GOLM1: variants seen among roughly 807,000 people sequenced by gnomAD.
GOLM1 encodes golgi membrane protein 1.
In GOLM1, 31 loss-of-function variants were observed where a neutral mutation model predicts 50.5. The observed-to-expected ratio is 0.61, with a 90% CI of 0.46 to 0.83. GOLM1 has a LOEUF of 0.83. Ranked by LOEUF, GOLM1 falls within the 40% of genes least tolerant of loss-of-function variation. The pLI is 0.00. For missense variants in GOLM1, 491 were observed against 501.3 expected, an observed-to-expected ratio of 0.98 and a Z score of 0.20; for synonymous variants, 178 against 192.8, an observed-to-expected ratio of 0.92 and a Z score of 0.64.
intron 6 of GOLM1, 84 bp from the exon 7 acceptor site, chr9:86,036,591 C>A: frequency 7.5e-7 from 1 of 1,326,408 alleles, no homozygotes; most frequent in Non-Finnish European, 1.0e-6. Context: ...GCAATGAATC[C>A]CACCAATCCC....
At chr9:86,076,216 C>G (rs374791404) in intron 3 of GOLM1, among the ~76,000 whole-genome samples, 1 of 151,288 alleles carries the variant, frequency 6.6e-6, no homozygotes. Flanking sequence ...GTCAGGAGTT[C>G]GAGACCAACC....
Position 86,026,937 on chromosome 9 carries a change from A to C in GOLM1, c.*880T>G, listed in dbSNP as rs1832804865. On this transcript the variant is annotated 3_prime_UTR_variant, in exon 10 of 10. Coordinates refer to ENST00000388712, the MANE Select transcript of GOLM1 (RefSeq NM_016548.4). ...AACTTTGTTTTCTTTTACTCCAGTA[A>C]TAAAGTAGGCACAGATCTGTCCACA... The C allele has an allele frequency of 1.0e-6, 1 of 985,098 alleles. No individual in the cohort carries two copies. The highest frequency in any genetic ancestry group is 1.2e-6 in the Non-Finnish European group (1 of 829,782). The allele number at this position is 985,098 out of a possible 1,614,324, so 61.0% of individuals were successfully genotyped here.
chr9:86,052,843 C>G (rs748643446), intron 3 of GOLM1, among the ~76,000 whole-genome samples: 117 of 124,670 alleles, frequency 9.4e-4, no homozygotes, highest in Middle Eastern at 8.2e-3. Flanking sequence ...CACTCCAGCC[C>G]AGGAAACGCT....
intron 4 of GOLM1, among the ~76,000 whole-genome samples, chr9:86,048,560 G>A (rs78027007): frequency 2.6e-5 from 4 of 152,084 alleles, no homozygotes; most frequent in Admixed American, 6.6e-5. Flanking sequence ...TTTAATGATC[G>A]TCATTCTAAA....
chr9:86,069,424 C>T (rs531159234), intron 3 of GOLM1, among the ~76,000 whole-genome samples: 2 of 152,242 alleles, frequency 1.3e-5, no homozygotes, highest in East Asian at 3.9e-4. Context: ...TTCACCACAC[C>T]TACTACTGCA....
intron 1 of GOLM1, among the ~76,000 whole-genome samples, chr9:86,082,578 C>A (rs1315388000): frequency 2.0e-5 from 3 of 151,856 alleles, no homozygotes; most frequent in Non-Finnish European, 2.9e-5. Flanking sequence ...GTAGCTGGGA[C>A]TACAGGTGTG....
intron 3 of GOLM1, among the ~76,000 whole-genome samples, chr9:86,053,282 A>AC (rs751312240): frequency 7.5e-6 from 1 of 132,516 alleles, no homozygotes; most frequent in Non-Finnish European, 1.6e-5. Flanking sequence ...CACACCACAC[A>AC]CCATTCCACA....
intron 3 of GOLM1, among the ~76,000 whole-genome samples, chr9:86,071,902 G>A (rs1483866866): frequency 6.6e-6 from 1 of 152,128 alleles, no homozygotes; most frequent in Non-Finnish European, 1.5e-5. Flanking sequence ...CTCTCAAGGA[G>A]TAAAAAACTA....
chr9:86,070,550 G>A (rs1280746510), intron 3 of GOLM1, among the ~76,000 whole-genome samples: 3 of 150,314 alleles, frequency 2.0e-5, no homozygotes, highest in Non-Finnish European at 4.4e-5. Context: ...CAGCCTGGGC[G>A]ACAGAGCGAG....
chr9:86,090,092 T>C (rs764498951), intron 1 of GOLM1, among the ~76,000 whole-genome samples: 1 of 152,086 alleles, frequency 6.6e-6, no homozygotes, highest in Non-Finnish European at 1.5e-5. Context: ...AAAGCAAAGA[T>C]TGCTGCCTGT....
chr9:86,054,674 G>A (rs1268494925), intron 3 of GOLM1, among the ~76,000 whole-genome samples: 4 of 152,146 alleles, frequency 2.6e-5, no homozygotes, highest in African/African-American at 7.2e-5. Context: ...GTGTGCTCCA[G>A]AGAGCAAGTT....
Position 86,037,194 on chromosome 9 carries a change from C to T in GOLM1, c.598-687G>A, listed in dbSNP as rs190326531. 3.9e-5 allele frequency among the ~76,000 whole-genome samples: 6 copies of T among 152,298 alleles called. No homozygotes were observed. In the East Asian group the frequency reaches 1.2e-3, roughly 29 times the overall value. ...CTTTGGGAGGCCGAGGCAGGCAGAT[C>T]ACCAGAGGTCAGAAGTTTGAGACCA... On this transcript the variant is annotated intron_variant, in intron 6 of 9. Coordinates refer to ENST00000388712, the MANE Select transcript of GOLM1 (RefSeq NM_016548.4).
chr9:86,040,997 T>TA, intron 5 of GOLM1, 129 bp from the exon 6 acceptor site: 1 of 770,918 alleles, frequency 1.3e-6, no homozygotes, highest in South Asian at 1.8e-5. Context: ...AGAGGGCACT[T>TA]AAGACAGGGC....
intron 3 of GOLM1, among the ~76,000 whole-genome samples, chr9:86,056,491 ATTTTTTATTT>A (rs1360283138): frequency 4.8e-5 from 7 of 145,632 alleles, no homozygotes; most frequent in Admixed American, 1.4e-4. Context: ...ATTTTTATTT[ATTTTTTATTT>A]AAATTTTTTT....
chr9:86,037,953 A>G, intron 6 of GOLM1, among the ~76,000 whole-genome samples: 1 of 151,974 alleles, frequency 6.6e-6, no homozygotes, highest in Non-Finnish European at 1.5e-5. Context: ...TCGGGAGTTC[A>G]AGACCAGCTT....
At chr9:86,037,980 C>T (rs1440543576) in intron 6 of GOLM1, among the ~76,000 whole-genome samples, 5 of 151,828 alleles carry the variant, frequency 3.3e-5, no homozygotes, top group Admixed American at 2.6e-4. Flanking sequence ...CATGGAGAAA[C>T]CCCGATATAC....
intron 3 of GOLM1, among the ~76,000 whole-genome samples, chr9:86,071,078 TACACACACAC>T (rs58612344): frequency 3.3e-4 from 49 of 148,342 alleles, no homozygotes; most frequent in African/African-American, 7.5e-4. Flanking sequence ...TATATACATG[TACACACACAC>T]ACACACACAC....
At chr9:86,045,041 TATC>T (rs969642538) in intron 5 of GOLM1, among the ~76,000 whole-genome samples, 6 of 152,228 alleles carry the variant, frequency 3.9e-5, no homozygotes, top group Admixed American at 2.0e-4. Flanking sequence ...AAATCCCTTT[TATC>T]ATCGCATGTC....
intron 3 of GOLM1, among the ~76,000 whole-genome samples, chr9:86,062,503 A>T (rs1445057354): frequency 6.7e-6 from 1 of 149,622 alleles, no homozygotes; most frequent in African/African-American, 2.5e-5. Context: ...GAGGAAGAGG[A>T]GGAGGGAGAA....
Sources: gnomAD v4.1 joint callset for allele counts (sites outside exome capture counted in the v4.1 genomes callset) on GRCh38, gnomAD v4.1.1 for gene constraint, MANE v1.5 for transcripts, NCBI Gene and HGNC (gene_info 2026-07-23, HGNC 2026-07-21) for gene names.